The following ACADS variants were observed in gnomAD, a reference collection of about 807,000 sequenced individuals.
ACADS encodes short-chain specific acyl-CoA dehydrogenase, mitochondrial.
ACADS carries 28 observed loss-of-function variants against 46.8 expected under a neutral mutation model. The ratio of observed to expected loss-of-function variants is 0.60; its 90% CI spans 0.44 to 0.82. The LOEUF (loss-of-function observed/expected upper bound fraction) is 0.82, where lower values mean the gene tolerates loss of function less well. Ranked by LOEUF, ACADS falls within the 40% of genes least tolerant of loss-of-function variation. The pLI is 0.00. For synonymous variants in ACADS, 236 were observed against 237.7 expected, an observed-to-expected ratio of 0.99 and a Z score of 0.07; for missense variants, 528 against 578.0, an observed-to-expected ratio of 0.91 and a Z score of 0.89.
At position 120,726,623 on chromosome 12, in the gene ACADS, C is replaced by G. The variant is rs112786039; in HGVS notation, c.47-403C>G. ...TCCACTTGTTATAGAAACGGAGGCT[C>G]ACTGACGTTTAAAACCCTTGCCTAA... On this transcript the variant is annotated intron_variant, in intron 1 of 9. Coordinates refer to ENST00000242592, the MANE Select transcript of ACADS (RefSeq NM_000017.4). 2.2e-3 allele frequency among the ~76,000 whole-genome samples: 328 copies of G among 152,346 alleles called. 2 individuals are homozygous for G. The highest frequency in any genetic ancestry group is 7.6e-3 in the African/African-American group (316 of 41,576).
chr12:120,727,112 T>C lies in ACADS; in HGVS notation c.133T>C (p.Cys45Arg). 1.2e-6 allele frequency: 2 copies of C among 1,614,174 alleles called. No individual in the cohort carries two copies. The highest frequency in any genetic ancestry group is 1.7e-6 in the Non-Finnish European group (2 of 1,180,026). Residue 45 changes from cysteine to arginine, a missense_variant, in exon 2 of 10, where the codon TGC (cysteine) becomes CGC (arginine). Physicochemically the swap from Cys to Arg is radical, Grantham distance 180. Coordinates refer to ENST00000242592, the MANE Select transcript of ACADS (RefSeq NM_000017.4). ...GACACACCAGATGTTGCTCCAGACA[T>C]GCCGGGACTTTGCCGAGAAGGAGTT... ...PETHQMLLQT[C>R]RDFAEKELFP... is the part of the protein sequence containing the mutation.
Position 120,739,358 on chromosome 12 carries a change from C to T in ACADS, c.1149C>T (p.Arg383=), listed in dbSNP as rs371323002. The T allele has an allele frequency of 1.2e-4, 187 of 1,612,894 alleles. No individual in the cohort carries two copies. The highest frequency in any genetic ancestry group is 1.5e-4 in the Non-Finnish European group (178 of 1,179,960). ...VTEMPAERHY[R]DARITEIYEG... ...AGATGCCGGCAGAGCGGCACTACCG[C>T]GACGCCCGCATCACTGAGATCTACG... is the stretch of plus-strand genomic sequence containing the variant. Residue 383 remains arginine (R), a synonymous_variant, in exon 10 of 10, where the codon CGC becomes CGT. Coordinates refer to ENST00000242592, the MANE Select transcript of ACADS (RefSeq NM_000017.4).
intron 1 of ACADS, among the ~76,000 whole-genome samples, chr12:120,726,518 C>T (rs1439469705): frequency 6.6e-6 from 1 of 152,172 alleles, no homozygotes; most frequent in East Asian, 1.9e-4. Context: ...GCCTGAATTA[C>T]AAGGGGAACG....
intron 2 of ACADS, among the ~76,000 whole-genome samples, chr12:120,736,682 C>T (rs984628053): frequency 6.6e-6 from 1 of 152,138 alleles, no homozygotes; most frequent in African/African-American, 2.4e-5. Context: ...CTGTCCTGCT[C>T]CTTACCTCTG....
chr12:120,727,065 A>G lies in ACADS; in HGVS notation c.86A>G (p.Tyr29Cys). The G allele has an allele frequency of 1.9e-6, 3 of 1,614,052 alleles. No homozygotes were observed. The highest frequency in any genetic ancestry group is 2.2e-5 in the East Asian group (1 of 44,884). Reference sequence around the variant, plus strand: ...GCCTGGCGGCAGTTACACACCATCTACCAGTCTGTGGAACTGCCCGAGACA... The same window carrying G: ...GCCTGGCGGCAGTTACACACCATCTGCCAGTCTGTGGAACTGCCCGAGACA... ...PRAWRQLHTI[Y>C]QSVELPETHQ... The change falls in exon 2 of 10, where the codon TAC (tyrosine) becomes TGC (cysteine). Residue 29 changes from tyrosine (Y) to cysteine (C), a missense_variant. Tyr to Cys is a radical substitution (Grantham distance 194, BLOSUM62 -2). Coordinates refer to ENST00000242592, the MANE Select transcript of ACADS (RefSeq NM_000017.4).
At position 120,737,844 on chromosome 12, in the gene ACADS, C is replaced by T; in HGVS notation, c.480C>T (p.Gly160=). 1 of 1,613,910 alleles carries T rather than the reference C, an allele frequency of 6.2e-7. No individual in the cohort carries two copies. The highest frequency in any genetic ancestry group is 1.3e-5 in the African/African-American group (1 of 75,004). ...CTGGGTCTGTGTGGGCAGGGAACGG[C>T]AGTGATGCAGGAGCTGCGTCCACCA... ...GCFALSEPGN[G]SDAGAASTTA... Residue 160 remains glycine (G), a synonymous_variant, in exon 5 of 10, where the codon GGC becomes GGT. Transcript: ENST00000242592.
chr12:120,737,072 C>T lies in ACADS; in HGVS notation c.297C>T (p.Ala99=), dbSNP rs905643296. The T allele has an allele frequency of 6.2e-7, 1 of 1,603,558 alleles. No individual in the cohort carries two copies. Among genetic ancestry groups the T allele is most frequent in the Non-Finnish European group, 8.5e-7 (1 of 1,175,278 alleles). ...GGAGLDYLAY[A]IAMEEISRGC... ...CTGGCCTCGATTACCTGGCCTACGC[C>T]ATCGCCATGGAGGAGATCAGCCGTG... The change falls in exon 3 of 10, where the codon GCC becomes GCT. Residue 99 remains alanine (A), a synonymous_variant. Transcript: ENST00000242592.
rs767676875 is a variant in ACADS at position 120,737,974 on chromosome 12, G to A, written c.610G>A (p.Ala204Thr). The A allele has an allele frequency of 1.2e-6, 2 of 1,614,006 alleles. No individual in the cohort carries two copies. Among genetic ancestry groups the A allele is most frequent in the Non-Finnish European group, 8.5e-7 (1 of 1,180,034 alleles). The change falls in exon 5 of 10, where the codon GCC (alanine) becomes ACC (threonine). Residue 204 changes from alanine to threonine, a missense_variant. By Grantham distance (58) the Ala-to-Thr change is moderately conservative. Transcript: ENST00000242592. ...AAVVFASTDR[A>T]LQNKGISAFL... The stretch of plus-strand genomic sequence containing the variant: ...CGTGGTCTTTGCCAGCACGGACAGA[G>A]CCCTGCAAAACAAGGTGGGCCCACC...
intron 2 of ACADS, among the ~76,000 whole-genome samples, chr12:120,727,575 G>C (rs182119949): frequency 1.3e-5 from 2 of 152,204 alleles, no homozygotes; most frequent in Non-Finnish European, 2.9e-5. Flanking sequence ...TCACTCTTGT[G>C]GCTCAGGCTG....
rs550921 is a variant in ACADS, at chr12:120,738,651, C to G, written c.914C>G (p.Thr305Ser). ...CGCATGGCCTTCGGGGCGCCCCTCA[C>G]CAAGCTCCAGGTCATCCAGGTAATG... Reference protein sequence around the residue: ...ENRMAFGAPLTKLQVIQFKLA... With the variant: ...ENRMAFGAPLSKLQVIQFKLA... Residue 305 changes from threonine (T) to serine (S), a missense_variant, in exon 7 of 10, where the codon ACC becomes AGC. Transcript: ENST00000242592. The G allele has an allele frequency of 1.9e-6, 3 of 1,612,528 alleles. No homozygotes were observed. Among genetic ancestry groups the G allele is most frequent in the Non-Finnish European group, 2.5e-6 (3 of 1,180,022 alleles).
intron 2 of ACADS, among the ~76,000 whole-genome samples, chr12:120,736,166 G>T (rs989868477): frequency 6.6e-5 from 9 of 135,612 alleles, no homozygotes; most frequent in Non-Finnish European, 1.3e-4. Context: ...GTTTTTGGTA[G>T]AGATGGGGTC....
Position 120,725,864 on chromosome 12 carries a change from C to T in ACADS, c.-22C>T, listed in dbSNP as rs550148611. The T allele has an allele frequency of 1.3e-6, 2 of 1,543,248 alleles. No individual in the cohort carries two copies. Among genetic ancestry groups the T allele is most frequent in the East Asian group, 2.4e-5 (1 of 41,156 alleles). On this transcript the variant is annotated 5_prime_UTR_variant, in exon 1 of 10. Coordinates refer to ENST00000242592, the MANE Select transcript of ACADS (RefSeq NM_000017.4). Reference sequence around the variant, plus strand: ...GCGCTCGCAGCGGGAGGTCGCGAAGCCTGGGACTGTGTCTGTCGCCCATGG... The same window carrying T: ...GCGCTCGCAGCGGGAGGTCGCGAAGTCTGGGACTGTGTCTGTCGCCCATGG...
At chr12:120,732,361 CG>C (rs1883278036) in intron 2 of ACADS, among the ~76,000 whole-genome samples, 1 of 151,874 alleles carries the variant, frequency 6.6e-6, no homozygotes, top group Non-Finnish European at 1.5e-5. Context: ...GGGTGGCTGC[CG>C]GGCGGAGACG....
rs1011856639 is a variant in ACADS, at chr12:120,739,036, G to A, written c.1030-104G>A. 32 of 1,588,430 alleles carry A rather than the reference G, an allele frequency of 2.0e-5. No homozygotes were observed. The African/African-American group carries it at 3.5e-4, about 17-fold the overall frequency. On this transcript the variant is annotated intron_variant, in intron 8 of 9. Coordinates refer to ENST00000242592, the MANE Select transcript of ACADS (RefSeq NM_000017.4). ...CAGAGGTGTGGGCCTGGGGTTTACA[G>A]CCCCATGGGGAGGCTCCACAGGCCT...
At chr12:120,734,847 G>C (rs1257542885) in intron 2 of ACADS, among the ~76,000 whole-genome samples, 1 of 150,426 alleles carries the variant, frequency 6.6e-6, no homozygotes, top group East Asian at 2.0e-4. Flanking sequence ...TTCCTTCCAG[G>C]TTCAAGCAAT....
chr12:120,738,191 G>C (rs576569093), intron 5 of ACADS, 89 bp from the exon 6 acceptor site: 2 of 1,601,798 alleles, frequency 1.2e-6, no homozygotes, highest in Admixed American at 3.5e-5. Context: ...TGAGGGAGGT[G>C]GGGAGGGGAC....
At chr12:120,737,607 A>C in intron 4 of ACADS, 140 bp downstream of exon 4, 2 of 1,065,956 alleles carry the variant, frequency 1.9e-6, no homozygotes, top group Non-Finnish European at 2.8e-6. Context: ...CGCTCTTGCC[A>C]CCGCGGCGCT....
In ACADS at chr12:120,738,533, C is replaced by G. The variant is rs758286855; in HGVS notation, c.796C>G (p.Gln266Glu). The G allele has an allele frequency of 1.2e-6, 2 of 1,608,824 alleles. No individual in the cohort carries two copies. The highest frequency in any genetic ancestry group is 3.3e-5 in the Admixed American group (2 of 60,004). The stretch of plus-strand genomic sequence containing the variant: ...CCACTGACCAGGGCGGTCCCCACAG[C>G]AAACCCTGGACATGGGCCGCATCGG... ...EPGMGFKIAM[Q>E]TLDMGRIGIA... Residue 266 changes from glutamine to glutamate, a missense_variant and splice_region_variant, in exon 7 of 10, where the codon CAA becomes GAA. By Grantham distance (29) the Gln-to-Glu change is conservative. Transcript: ENST00000242592.
chr12:120,726,877 C>T, intron 1 of ACADS, 149 bp from the exon 2 acceptor site: 1 of 901,582 alleles, frequency 1.1e-6, no homozygotes, highest in Non-Finnish European at 1.8e-6. Context: ...ATAGTATTCC[C>T]CTGCTCTAGT....
Sources: gnomAD v4.1 joint callset for allele counts (sites outside exome capture counted in the v4.1 genomes callset) on GRCh38, gnomAD v4.1.1 for gene constraint, MANE v1.5 for transcripts, NCBI Gene and HGNC (gene_info 2026-07-23, HGNC 2026-07-21) for gene names.